TBC1D1: variants seen among roughly 807,000 people sequenced by gnomAD.
The protein encoded by TBC1D1 is TBC1 domain family member 1.
A neutral mutation model predicts 125.6 loss-of-function variants in TBC1D1; 89 were observed. The observed-to-expected ratio is 0.71, with a 90% confidence interval of 0.60 to 0.85. The LOEUF (loss-of-function observed/expected upper bound fraction) is 0.85. Ranked by LOEUF, TBC1D1 falls within the 40% of genes least tolerant of loss-of-function variation. The pLI is 0.00. For synonymous variants in TBC1D1, 565 were observed against 564.1 expected (o/e 1.00, Z -0.02); for missense variants, 1,377 against 1,469.2 (o/e 0.94, Z 1.03).
chr4:38,021,801 A>G, intron 6 of TBC1D1, 83 bp downstream of exon 6: 5 of 1,350,426 alleles, frequency 3.7e-6, no homozygotes, highest in African/African-American at 3.0e-5. Context: ...ATCTGTTGGA[A>G]GATTCTGCCT....
intron 2 of TBC1D1, among the ~76,000 whole-genome samples, chr4:37,982,649 G>A (rs62298544): frequency 0.12 from 17,529 of 152,184 alleles, 1,081 homozygotes; most frequent in Middle Eastern, 0.2. Flanking sequence ...GAATGGAGGA[G>A]AGCAGAGATA....
chr4:38,022,790 T>C (rs1305482373), intron 6 of TBC1D1, among the ~76,000 whole-genome samples: 1 of 152,098 alleles, frequency 6.6e-6, no homozygotes, highest in African/African-American at 2.4e-5. Context: ...GTGAAGGAGT[T>C]TTCACCACTC....
intron 15 of TBC1D1, 102 bp downstream of exon 17, chr4:38,103,259 G>C: frequency 7.9e-7 from 1 of 1,271,952 alleles, no homozygotes; most frequent in Non-Finnish European, 1.1e-6. Flanking sequence ...TTTAGGTTTA[G>C]CAATCAAAAT....
chr4:38,077,163 GAGAT>G (rs1303504051), intron 12 of TBC1D1, among the ~76,000 whole-genome samples: 1 of 152,210 alleles, frequency 6.6e-6, no homozygotes, highest in Non-Finnish European at 1.5e-5. Context: ...CCTCTGACAT[GAGAT>G]AGATGTATTG....
At chr4:37,963,648 T>C (rs1240277225) in intron 2 of TBC1D1, among the ~76,000 whole-genome samples, 1 of 152,140 alleles carries the variant, frequency 6.6e-6, no homozygotes, top group African/African-American at 2.4e-5. Flanking sequence ...CACAGTGAGA[T>C]TCCGTGTCAA....
At chr4:37,992,972 T>C (rs143324942) in intron 2 of TBC1D1, among the ~76,000 whole-genome samples, 2,300 of 151,804 alleles carry the variant, frequency 0.015, 63 homozygotes, top group African/African-American at 0.052. Context: ...GCCCAGCTAA[T>C]TTTGTATTTT....
chr4:38,135,302 A>G (rs1766307634), intron 19 of TBC1D1, among the ~76,000 whole-genome samples: 2 of 152,186 alleles, frequency 1.3e-5, no homozygotes, highest in African/African-American at 4.8e-5. Flanking sequence ...AGCAAATTCT[A>G]CCACCTCTTT....
chr4:38,032,089 C>T (rs774496617), intron 7 of TBC1D1, among the ~76,000 whole-genome samples: 1 of 151,868 alleles, frequency 6.6e-6, no homozygotes, highest in African/African-American at 2.4e-5. Flanking sequence ...GAGGCCAAGG[C>T]GGGCGGATCA....
At chr4:37,957,549 T>C (rs776602336) in intron 2 of TBC1D1, among the ~76,000 whole-genome samples, 1 of 152,120 alleles carries the variant, frequency 6.6e-6, no homozygotes, top group Non-Finnish European at 1.5e-5. Flanking sequence ...AGCCTAAGAG[T>C]TCGAGGCTAC....
At chr4:38,062,422 A>G (rs1206787147) in intron 12 of TBC1D1, among the ~76,000 whole-genome samples, 1 of 152,158 alleles carries the variant, frequency 6.6e-6, no homozygotes, top group Non-Finnish European at 1.5e-5. Context: ...CAAAACACGG[A>G]AGAAAAAAGT....
chr4:37,906,042 G>T lies in TBC1D1; in HGVS notation c.417+3530G>T, dbSNP rs575947965. ...AGATGTCTATGATATTGGCTAGTTG[G>T]TCCTCTTCAATGAGGGCATGAACAA... On this transcript the variant is annotated intron_variant, in intron 2 of 19. Coordinates refer to ENST00000261439, the MANE Select transcript of TBC1D1 (RefSeq NM_015173.4). Among the ~76,000 whole-genome samples, 6 of 152,244 alleles carry T rather than the reference G, an allele frequency of 3.9e-5. No homozygotes were observed. In the East Asian group the frequency reaches 9.6e-4, roughly 24 times the overall value.
chr4:37,917,623 G>A (rs1342881609), intron 2 of TBC1D1, among the ~76,000 whole-genome samples: 6 of 152,148 alleles, frequency 3.9e-5, no homozygotes, highest in African/African-American at 4.8e-5. Context: ...ACTGGGGCAG[G>A]GAATTGGACT....
chr4:38,045,809 TTATG>T lies in TBC1D1; in HGVS notation c.1543-5_1543-2del. 6.2e-7 allele frequency: 1 copy of T among 1,613,568 alleles called. No individual in the cohort carries two copies. Among genetic ancestry groups the T allele is most frequent in the Non-Finnish European group, 8.5e-7 (1 of 1,179,482 alleles). On this transcript the variant is annotated splice_region_variant and splice_polypyrimidine_tract_variant and intron_variant, in intron 9 of 19. Coordinates refer to ENST00000261439, the MANE Select transcript of TBC1D1 (RefSeq NM_015173.4). ...GAGTCATAACTCGACTGCCTTTTCT[TTATG>T]TAGGGTAATAAAGCCAGAGGCCTGC...
chr4:38,102,583 A>G (rs1760556729), intron 14 of TBC1D1, among the ~76,000 whole-genome samples: 1 of 152,102 alleles, frequency 6.6e-6, no homozygotes, highest in African/African-American at 2.4e-5. Context: ...GCTGTTAATT[A>G]ATAATGGAAC....
At chr4:37,892,690 G>A (rs1336202733) in intron 1 of TBC1D1, among the ~76,000 whole-genome samples, 1 of 152,168 alleles carries the variant, frequency 6.6e-6, no homozygotes, top group Non-Finnish European at 1.5e-5. Flanking sequence ...ATAGTCTATT[G>A]TTATCTACCC....
At chr4:37,945,346 C>A (rs1256556801) in intron 2 of TBC1D1, among the ~76,000 whole-genome samples, 1 of 151,432 alleles carries the variant, frequency 6.6e-6, no homozygotes, top group Non-Finnish European at 1.5e-5. Flanking sequence ...AACTCCATCT[C>A]TACTGAAATC....
intron 5 of TBC1D1, 99 bp downstream of exon 5, chr4:38,020,794 A>G (rs1578300915): frequency 2.2e-6 from 2 of 928,696 alleles, no homozygotes; most frequent in East Asian, 2.6e-5. Flanking sequence ...ATGGTCATTG[A>G]CATATCATTA....
At chr4:38,123,012 A>G (rs1289501206) in intron 17 of TBC1D1, among the ~76,000 whole-genome samples, 1 of 152,216 alleles carries the variant, frequency 6.6e-6, no homozygotes, top group Non-Finnish European at 1.5e-5. Context: ...ATCCTAATAA[A>G]TCTCAGAAGA....
At chr4:37,936,535 A>G (rs1724434886) in intron 2 of TBC1D1, among the ~76,000 whole-genome samples, 1 of 152,248 alleles carries the variant, frequency 6.6e-6, no homozygotes. Flanking sequence ...GGATGGAATG[A>G]TGATGAATGA....
Sources: gnomAD v4.1 joint callset for allele counts (sites outside exome capture counted in the v4.1 genomes callset) on GRCh38, gnomAD v4.1.1 for gene constraint, MANE v1.5 for transcripts, NCBI Gene and HGNC (gene_info 2026-07-23, HGNC 2026-07-21) for gene names.